The following RAD9B variants were observed in gnomAD, a reference collection of about 807,000 sequenced individuals.
RAD9B encodes the protein cell cycle checkpoint control protein RAD9B.
Under a neutral mutation model 48.3 loss-of-function variants are expected in RAD9B, and 41 were observed. The ratio of observed to expected loss-of-function variants is 0.85; its 90% confidence interval spans 0.66 to 1.10. The LOEUF is 1.10. Ranked by LOEUF, RAD9B falls within the 50% of genes least tolerant of loss-of-function variation. RAD9B has a pLI of 0.00. For synonymous variants in RAD9B, 160 were observed against 157.9 expected, an observed-to-expected ratio of 1.01 and a Z score of -0.10; for missense variants, 444 against 485.1, an observed-to-expected ratio of 0.92 and a Z score of 0.80.
rs1482636827 is a variant in RAD9B, at chr12:110,531,918, G to A, written c.*1265G>A. On this transcript the variant is annotated 3_prime_UTR_variant, in exon 11 of 11. Transcript: ENST00000409300. Reference sequence around the variant, plus strand: ...GTAAGGAAGTGTTAACTGGCAAGCAGTTGTACTTTAGACTTTGTGAGAAAT... The same window carrying A: ...GTAAGGAAGTGTTAACTGGCAAGCAATTGTACTTTAGACTTTGTGAGAAAT... The A allele has an allele frequency of 5.4e-6, 2 of 367,772 alleles. No individual in the cohort carries two copies. Among genetic ancestry groups the A allele is most frequent in the Non-Finnish European group, 9.8e-6 (2 of 204,638 alleles). 22.8% of individuals were successfully genotyped at this position (367,772 alleles called of 1,614,324 possible).
intron 10 of RAD9B, among the ~76,000 whole-genome samples, chr12:110,525,130 TGCCTACCACCAC>T (rs1445108751): frequency 5.3e-5 from 8 of 151,958 alleles, no homozygotes; most frequent in South Asian, 4.2e-4. Flanking sequence ...GGAATACAGG[TGCCTACCACCAC>T]GCCCAGCTAA....
chr12:110,526,685 A>G (rs1173186671), intron 10 of RAD9B, among the ~76,000 whole-genome samples: 1 of 152,094 alleles, frequency 6.6e-6, no homozygotes, highest in Non-Finnish European at 1.5e-5. Flanking sequence ...CGAGACAGGC[A>G]GATCACGAGG....
In RAD9B at chr12:110,522,210, T is replaced by C. The variant is rs769289658; in HGVS notation, c.924T>C (p.Asn308=). 2 of 1,598,318 alleles carry C rather than the reference T, an allele frequency of 1.3e-6. No homozygotes were observed. The highest frequency in any genetic ancestry group is 8.5e-7 in the Non-Finnish European group (1 of 1,172,586). ...SDLIEKKAGK[N]VTGQALECIS... is the part of the protein sequence containing the mutation. ...TGATTGAAAAAAAGGCTGGCAAAAATGTAACTGGCCAGGCCCTGGAATGTA... is the reference window on the plus strand; with the variant it reads ...TGATTGAAAAAAAGGCTGGCAAAAACGTAACTGGCCAGGCCCTGGAATGTA... The change falls in exon 10 of 11, where the codon AAT becomes AAC. Residue 308 remains asparagine (N), a synonymous_variant. Transcript: ENST00000409300.
chr12:110,514,624 G>A (rs1174463524), intron 5 of RAD9B, among the ~76,000 whole-genome samples: 1 of 152,206 alleles, frequency 6.6e-6, no homozygotes, highest in Non-Finnish European at 1.5e-5. Flanking sequence ...ATAGGCAGCA[G>A]GCTGCTTAGA....
rs1235608696 is a variant in RAD9B, at chr12:110,532,602, C to G, written c.*1949C>G. ...GGATACAGAGTGCTAAGCTGAAATACAGTCATGTGCTGCATAACAACGTTT... is the reference window on the plus strand; with the variant it reads ...GGATACAGAGTGCTAAGCTGAAATAGAGTCATGTGCTGCATAACAACGTTT... On this transcript the variant is annotated 3_prime_UTR_variant, in exon 11 of 11. Transcript: ENST00000409300. Among the ~76,000 whole-genome samples, 2 of 152,206 alleles carry G rather than the reference C, an allele frequency of 1.3e-5. No individual in the cohort carries two copies. Among genetic ancestry groups the G allele is most frequent in the African/African-American group, 4.8e-5 (2 of 41,450 alleles).
chr12:110,516,915 T>A (rs534531051), intron 6 of RAD9B, among the ~76,000 whole-genome samples: 15 of 152,206 alleles, frequency 9.9e-5, no homozygotes, highest in African/African-American at 3.1e-4. Flanking sequence ...ACAAAAAAAA[T>A]TTTTTAAGTC....
At chr12:110,510,968 GAGAA>G (rs1183613838) in intron 4 of RAD9B, among the ~76,000 whole-genome samples, 1 of 151,494 alleles carries the variant, frequency 6.6e-6, no homozygotes, top group Non-Finnish European at 1.5e-5. Flanking sequence ...AAAAGAAAGA[GAGAA>G]AGGAAGAAGG....
In RAD9B at chr12:110,522,186, G is replaced by C. The variant is rs1382421473; in HGVS notation, c.900G>C (p.Leu300=). 6.3e-7 allele frequency: 1 copy of C among 1,580,544 alleles called. No individual in the cohort carries two copies. Among genetic ancestry groups the C allele is most frequent in the South Asian group, 1.2e-5 (1 of 86,426 alleles). ...CLSQKRKRSD[L]IEKKAGKNVT... Reference sequence around the variant, plus strand: ...CCTATTAATACCTCAGGTCAGATCTGATTGAAAAAAAGGCTGGCAAAAATG... The same window carrying C: ...CCTATTAATACCTCAGGTCAGATCTCATTGAAAAAAAGGCTGGCAAAAATG... The change falls in exon 10 of 11, where the codon CTG becomes CTC. Residue 300 remains leucine (L), a synonymous_variant. Transcript: ENST00000409300.
rs780356713 is a variant in RAD9B, at chr12:110,522,316, C to T, written c.1030C>T (p.Pro344Ser). The T allele has an allele frequency of 1.2e-5, 19 of 1,613,448 alleles. No individual in the cohort carries two copies. The highest frequency in any genetic ancestry group is 1.4e-5 in the Non-Finnish European group (16 of 1,179,772). The change falls in exon 10 of 11, where the codon CCT becomes TCT. Residue 344 changes from proline (P) to serine (S), a missense_variant. Coordinates refer to ENST00000409300, the MANE Select transcript of RAD9B (RefSeq NM_001286535.2). ...ATCTGCATTGGAAAACTGTGGCAGC[C>T]CTGCAATGAAAAGAGTGGATGGAGA... is the stretch of plus-strand genomic sequence containing the variant. Reference protein sequence around the residue: ...NISALENCGSPAMKRVDGDVS... With the variant: ...NISALENCGSSAMKRVDGDVS...
intron 9 of RAD9B, among the ~76,000 whole-genome samples, chr12:110,521,235 T>C (rs959091018): frequency 3.9e-5 from 6 of 151,958 alleles, no homozygotes; most frequent in African/African-American, 1.4e-4. Flanking sequence ...TAGCTCATCA[T>C]AGTCTCAACC....
intron 6 of RAD9B, among the ~76,000 whole-genome samples, chr12:110,517,751 G>GACACACACACAC (rs34935245): frequency 2.2e-4 from 31 of 141,520 alleles, no homozygotes; most frequent in Non-Finnish European, 3.1e-4. Flanking sequence ...ACAAAACATT[G>GACACACACACAC]ACACACACAC....
intron 6 of RAD9B, 108 bp from the exon 7 acceptor site, chr12:110,518,568 G>A (rs951975944): frequency 3.1e-6 from 2 of 642,048 alleles, no homozygotes; most frequent in African/African-American, 3.7e-5. Context: ...AGGGTACGTA[G>A]GGCAGGAGGA....
Position 110,512,721 on chromosome 12 carries a change from CTTTAA to C in RAD9B, c.389-54_389-50del, listed in dbSNP as rs1284540638. The C allele has an allele frequency of 3.1e-5, 23 of 751,352 alleles. No homozygotes were observed. The Admixed American group carries it at 3.6e-4, about 12-fold the overall frequency. 46.5% of individuals were successfully genotyped at this position (751,352 alleles called of 1,614,324 possible). A position where few individuals can be genotyped will look rare whatever the true frequency, so the allele number is the denominator to read the frequency against. On this transcript the variant is annotated intron_variant, in intron 4 of 10. Coordinates refer to ENST00000409300, the MANE Select transcript of RAD9B (RefSeq NM_001286535.2). ...ATTTGGCTGTGAAACTTAAAGACTT[CTTTAA>C]TTTGTTAGTTTTGTACTTAAAATTA...
In RAD9B at chr12:110,508,605, C is replaced by T. The variant is rs532059821; in HGVS notation, c.388+1912C>T. Among the ~76,000 whole-genome samples the T allele has an allele frequency of 7.9e-5, 12 of 152,186 alleles. 1 individual carries two copies. The East Asian group carries it at 1.7e-3, about 22-fold the overall frequency. On this transcript the variant is annotated intron_variant, in intron 4 of 10. Coordinates refer to ENST00000409300, the MANE Select transcript of RAD9B (RefSeq NM_001286535.2). ...GTAAACAAAAAATTCAAAATTAAGT[C>T]ACAGGCATGGTTGTTTTTGTTTTTG...
chr12:110,524,111 C>G (rs970958274), intron 10 of RAD9B, among the ~76,000 whole-genome samples: 7 of 152,172 alleles, frequency 4.6e-5, no homozygotes, highest in African/African-American at 1.7e-4. Context: ...AAGGTTCAAA[C>G]CTCTCTCTTA....
intron 10 of RAD9B, among the ~76,000 whole-genome samples, chr12:110,529,590 A>G (rs575789348): frequency 1.3e-4 from 19 of 141,082 alleles, no homozygotes; most frequent in Middle Eastern, 3.6e-3. Flanking sequence ...GTCTTTACGG[A>G]AAAAAAAAAA....
At chr12:110,512,329 A>G (rs2063486132) in intron 4 of RAD9B, among the ~76,000 whole-genome samples, 1 of 150,980 alleles carries the variant, frequency 6.6e-6, no homozygotes, top group African/African-American at 2.4e-5. Flanking sequence ...TTGTATTTTT[A>G]GTAGAGACAG....
intron 10 of RAD9B, among the ~76,000 whole-genome samples, chr12:110,523,511 C>G (rs1283938326): frequency 6.6e-6 from 1 of 152,140 alleles, no homozygotes; most frequent in Non-Finnish European, 1.5e-5. Context: ...TAGTTTGATA[C>G]CATAGGTGTT....
rs973412223 is a variant in RAD9B, at chr12:110,503,889, G to A, written c.117+13G>A. 3 of 1,512,870 alleles carry A rather than the reference G, an allele frequency of 2.0e-6. No individual in the cohort carries two copies. In the African/African-American group the frequency reaches 4.2e-5, roughly 21 times the overall value. The allele number at this position is 1,512,870 out of a possible 1,614,324, so 93.7% of individuals were successfully genotyped here. A position where few individuals can be genotyped will look rare whatever the true frequency, so the allele number is the denominator to read the frequency against. ...ATCTAAAAAAGGTGTAAGTAAGAAA[G>A]TTAACAGATCACGTATCAAGGCAAG... On this transcript the variant is annotated intron_variant, in intron 2 of 10. Coordinates refer to ENST00000409300, the MANE Select transcript of RAD9B (RefSeq NM_001286535.2).
Sources: allele counts gnomAD v4.1 joint callset (sites outside exome capture counted in the v4.1 genomes callset), GRCh38; gene constraint gnomAD v4.1.1; transcripts MANE v1.5; gene names NCBI Gene and HGNC (gene_info 2026-07-23, HGNC 2026-07-21).